ZNF142: variants seen among roughly 807,000 people sequenced by gnomAD.
The protein encoded by ZNF142 is zinc finger protein 142 (clone pHZ-49).
A neutral mutation model predicts 132.1 loss-of-function variants in ZNF142; 96 were observed. The ratio of observed to expected loss-of-function variants is 0.73; its 90% CI spans 0.62 to 0.86. ZNF142 has a LOEUF of 0.86. ZNF142 is among the 40% of genes least tolerant of loss of function. The pLI is 0.00. For missense variants in ZNF142, 2,163 were observed against 2,336.2 expected (o/e 0.93, Z 1.53); for synonymous variants, 842 against 890.1 (o/e 0.95, Z 0.96).
intron 7 of ZNF142, among the ~76,000 whole-genome samples, chr2:218,646,911 G>A (rs867278039): frequency 1.3e-5 from 2 of 151,894 alleles, no homozygotes; most frequent in South Asian, 4.2e-4. Flanking sequence ...CTAGCTTAAA[G>A]TCCACTCTTG....
chr2:218,649,096 T>TGCTC lies in ZNF142; in HGVS notation c.1408_1411dup (p.His471ArgfsTer36), dbSNP rs1937729550. ...GGCTGCTGCCGTGTGGCTCTTGAGGTGCTCCTTTAGGGCCTGGCTGAGGCG... is the reference window on the plus strand; with the variant it reads ...GGCTGCTGCCGTGTGGCTCTTGAGGTGCTCGCTCCTTTAGGGCCTGGCTGAGGCG... On this transcript the variant is annotated frameshift_variant, in exon 7 of 11. Transcript: ENST00000411696. LOFTEE classifies it high-confidence loss of function. The TGCTC allele has an allele frequency of 2.5e-6, 4 of 1,613,964 alleles. No homozygotes were observed. Among genetic ancestry groups the TGCTC allele is most frequent in the Non-Finnish European group, 3.4e-6 (4 of 1,180,040 alleles).
At position 218,642,347 on chromosome 2, in the gene ZNF142, C is replaced by T. The variant is rs567558769; in HGVS notation, c.4769G>A (p.Arg1590Gln). 1.7e-5 allele frequency: 28 copies of T among 1,613,498 alleles called. No individual in the cohort carries two copies. Among genetic ancestry groups the T allele is most frequent in the Middle Eastern group, 1.6e-4 (1 of 6,062 alleles). ...GTGCTTTACCAGGCCCACCCGCTCC[C>T]GGGCAGCAAAGTCACAGAGCTGACA... ...HRCQLCDFAA[R>Q]ERVGLVKHYL... Residue 1590 changes from arginine to glutamine, a missense_variant, in exon 9 of 11, where the codon CGG becomes CAG. Coordinates refer to ENST00000411696, the MANE Select transcript of ZNF142 (RefSeq NM_001379659.1). The surrounding 1 kb of genome is among the most constrained non-coding windows in gnomAD (Gnocchi z 4.6).
At chr2:218,652,399 T>A (rs1244376244) in intron 4 of ZNF142, 99 bp from the exon 5 acceptor site, 1 of 430,036 alleles carries the variant, frequency 2.3e-6, no homozygotes, top group Admixed American at 2.5e-5. Context: ...TCTTTTAATA[T>A]TCGTAGAGTA....
chr2:218,656,343 CG>C lies in ZNF142; in HGVS notation c.86del (p.Pro29ArgfsTer33), dbSNP rs750522983. 1.9e-6 allele frequency: 3 copies of C among 1,585,576 alleles called. No homozygotes were observed. The highest frequency in any genetic ancestry group is 2.6e-6 in the Non-Finnish European group (3 of 1,162,850). ...CCAGGATTCCACGGTTAGAGAGAGG[CG>C]GGGGGATCAGCAATAGCTCAGGGCA... Reference protein sequence around the residue: ...GLCPELLLIPPPLSNRGILGP... With the variant: ...GLCPELLLIPXPLSNRGILGP... On this transcript the variant is annotated frameshift_variant, in exon 4 of 11. Coordinates refer to ENST00000411696, the MANE Select transcript of ZNF142 (RefSeq NM_001379659.1). LOFTEE classifies it high-confidence loss of function.
chr2:218,653,744 C>T (rs1399720716), intron 4 of ZNF142, among the ~76,000 whole-genome samples: 1 of 152,142 alleles, frequency 6.6e-6, no homozygotes, highest in East Asian at 1.9e-4. Flanking sequence ...ACATTTACAT[C>T]TAGTTTGTAC....
chr2:218,641,515 A>T (rs1322588748), intron 9 of ZNF142, among the ~76,000 whole-genome samples: 1 of 151,744 alleles, frequency 6.6e-6, no homozygotes, highest in African/African-American at 2.4e-5. Flanking sequence ...AAGTGCTGGG[A>T]TTACAGGCGT....
rs528135876 is a variant in ZNF142, at chr2:218,648,895, T to C, written c.1613A>G (p.Lys538Arg). 9 of 1,614,142 alleles carry C rather than the reference T, an allele frequency of 5.6e-6. No homozygotes were observed. In the African/African-American group the frequency reaches 9.3e-5, roughly 17 times the overall value. Reference sequence around the variant, plus strand: ...GGGGCAGTGGAAGGCGTAGTGACTCTTGTGGTGGGCCTCCATGGCTTCGGC... The same window carrying C: ...GGGGCAGTGGAAGGCGTAGTGACTCCTGTGGTGGGCCTCCATGGCTTCGGC... ...ATAEAMEAHHKSHYAFHCPHC... is the reference protein window; with the variant it reads ...ATAEAMEAHHRSHYAFHCPHC... Residue 538 changes from lysine (K) to arginine (R), a missense_variant, in exon 7 of 11, where the codon AAG becomes AGG. Lys to Arg is a conservative substitution (Grantham distance 26). Transcript: ENST00000411696.
At position 218,642,448 on chromosome 2, in the gene ZNF142, A is replaced by G; in HGVS notation, c.4668T>C (p.Cys1556=). The G allele has an allele frequency of 6.2e-7, 1 of 1,612,576 alleles. No homozygotes were observed. Among genetic ancestry groups the G allele is most frequent in the Non-Finnish European group, 8.5e-7 (1 of 1,179,604 alleles). The change falls in exon 9 of 11, where the codon TGT becomes TGC. Residue 1556 remains cysteine, a synonymous_variant. Transcript: ENST00000411696. This position sits in a 1 kb window ranked among gnomAD's most constrained non-coding sequence, Gnocchi z 4.6. ...TAGGGAAGGCCTCCTGGCAGGCCCC[A>G]CACTCAAGCCGTGGGTGCTGTTTAC... is the stretch of plus-strand genomic sequence containing the variant. ...HTRKQHPRLE[C]GACQEAFPSR...
chr2:218,642,152 G>A lies in ZNF142; in HGVS notation c.4964C>T (p.Thr1655Ile). Residue 1655 changes from threonine to isoleucine, a missense_variant, in exon 9 of 11, where the codon ACC (threonine) becomes ATC (isoleucine). This residue lies in a region of ZNF142 where 325 missense variants were observed against 367.8 expected (regional missense o/e 0.88). Coordinates refer to ENST00000411696, the MANE Select transcript of ZNF142 (RefSeq NM_001379659.1). This position sits in a 1 kb window ranked among gnomAD's most constrained non-coding sequence, Gnocchi z 4.6. ...GHGGTRLYKC[T>I]DCAYSTKNRQ... ...GTTCTTGGTGCTGTAAGCACAATCG[G>A]TGCACTTGTAGAGACGAGTGCCCCC... 7 of 1,614,184 alleles carry A rather than the reference G, an allele frequency of 4.3e-6. 1 individual carries two copies. The African/African-American group carries it at 9.3e-5, about 22-fold the overall frequency.
rs931214584 is a variant in ZNF142 at position 218,636,918 on chromosome 2, G to C, written c.*1421C>G. ...TTCCCATCAACTCTGTGTGAAGGCA[G>C]GTTGCAACTAGAAATTCAGAGGGGC... On this transcript the variant is annotated 3_prime_UTR_variant, in exon 11 of 11. Coordinates refer to ENST00000411696, the MANE Select transcript of ZNF142 (RefSeq NM_001379659.1). 2.1e-5 allele frequency: 10 copies of C among 465,242 alleles called. No individual in the cohort carries two copies. Among genetic ancestry groups the C allele is most frequent in the African/African-American group, 2.0e-4 (10 of 50,452 alleles). 28.8% of individuals were successfully genotyped at this position (465,242 alleles called of 1,614,324 possible).
In ZNF142 at chr2:218,643,502, G is replaced by A. The variant is rs774611541; in HGVS notation, c.3614C>T (p.Pro1205Leu). The A allele has an allele frequency of 1.7e-5, 27 of 1,614,022 alleles. No homozygotes were observed. In the South Asian group the frequency reaches 3.0e-4, roughly 18 times the overall value. ...TGTGGGTGAGGAGTTTCCTGCAGGAGGGACTGGGTCAAGGTGGTGCTTCTT... is the reference window on the plus strand; with the variant it reads ...TGTGGGTGAGGAGTTTCCTGCAGGAAGGACTGGGTCAAGGTGGTGCTTCTT... ...APKKHHLDPVPPAGNSSPTEA... is the reference protein window; with the variant it reads ...APKKHHLDPVLPAGNSSPTEA... Residue 1205 changes from proline (P) to leucine (L), a missense_variant, in exon 9 of 11, where the codon CCT (proline) becomes CTT (leucine). Pro to Leu is a moderately conservative substitution (Grantham distance 98). Coordinates refer to ENST00000411696, the MANE Select transcript of ZNF142 (RefSeq NM_001379659.1).
intron 3 of ZNF142, 64 bp from the exon 4 acceptor site, chr2:218,656,527 G>A (rs368530919): frequency 1.6e-5 from 21 of 1,286,640 alleles, no homozygotes; most frequent in African/African-American, 1.0e-4. Flanking sequence ...CCTGGCTGGC[G>A]TGGGTACACA....
intron 10 of ZNF142, 41 bp from the exon 11 acceptor site, chr2:218,638,849 G>T: frequency 6.6e-7 from 1 of 1,504,712 alleles, no homozygotes; most frequent in East Asian, 2.3e-5. Context: ...AGGCGGTGGA[G>T]CAAGGTTTAC....
rs1157518205 is a variant in ZNF142, at chr2:218,638,187, G to A, written c.*152C>T. On this transcript the variant is annotated 3_prime_UTR_variant, in exon 11 of 11. Transcript: ENST00000411696. ...CTTTTATATGGGTGATAATTTCAAA[G>A]TACTATAGCCAGAGTCCCAGGAAGG... 2.0e-5 allele frequency: 12 copies of A among 597,310 alleles called. No individual in the cohort carries two copies. Among genetic ancestry groups the A allele is most frequent in the Non-Finnish European group, 2.8e-5 (11 of 392,000 alleles). 37.0% of individuals were successfully genotyped at this position (597,310 alleles called of 1,614,324 possible).
intron 4 of ZNF142, among the ~76,000 whole-genome samples, chr2:218,653,575 C>CA (rs34491963): frequency 0.058 from 8,329 of 144,722 alleles, 327 homozygotes; most frequent in East Asian, 0.12. Flanking sequence ...AACTCTATCT[C>CA]AAAAAAAAAA....
Position 218,643,153 on chromosome 2 carries a change from A to C in ZNF142, c.3963T>G (p.Thr1321=), listed in dbSNP as rs763836982. ...CGAGGGGGCAGCCCCGGATCTGGTG[A>C]GTCCTCAGAGCCCGTTCCTGCTGGC... The part of the protein sequence containing the change: ...FSCQQERALR[T]HQIRGCPLEE... The change falls in exon 9 of 11, where the codon ACT becomes ACG. Residue 1321 remains threonine, a synonymous_variant. Coordinates refer to ENST00000411696, the MANE Select transcript of ZNF142 (RefSeq NM_001379659.1). 6.2e-7 allele frequency: 1 copy of C among 1,614,066 alleles called. No individual in the cohort carries two copies. The highest frequency in any genetic ancestry group is 2.2e-5 in the East Asian group (1 of 44,904).
rs148430389 is a variant in ZNF142 at position 218,656,127 on chromosome 2, C to T, written c.280+23G>A. 33 of 1,493,532 alleles carry T rather than the reference C, an allele frequency of 2.2e-5. No homozygotes were observed. The African/African-American group carries it at 4.2e-4, about 19-fold the overall frequency. The allele number at this position is 1,493,532 out of a possible 1,614,324, so 92.5% of individuals were successfully genotyped here. On this transcript the variant is annotated intron_variant, in intron 4 of 10. Coordinates refer to ENST00000411696, the MANE Select transcript of ZNF142 (RefSeq NM_001379659.1). ...ACCTCAGAGCTGCTTGTCCCACTGG[C>T]CTGCTTGCAACTGTGTTTGTACCTG...
At chr2:218,641,080 A>G (rs1046151012) in intron 9 of ZNF142, among the ~76,000 whole-genome samples, 3 of 151,880 alleles carry the variant, frequency 2.0e-5, no homozygotes, top group Non-Finnish European at 2.9e-5. Flanking sequence ...GAATACAGGC[A>G]TGCGCCACAA....
rs1394032964 is a variant in ZNF142, at chr2:218,650,429, T to C, written c.978A>G (p.Glu326=). 4.3e-6 allele frequency: 7 copies of C among 1,614,116 alleles called. No homozygotes were observed. Among genetic ancestry groups the C allele is most frequent in the Non-Finnish European group, 5.1e-6 (6 of 1,180,034 alleles). The change falls in exon 6 of 11, where the codon GAA becomes GAG. Residue 326 remains glutamate, a synonymous_variant. Transcript: ENST00000411696. ...AGTCCTTCTGGGTGTCACTCTTCTC[T>C]TCTTTCTCTACATTCTCCTCTTCAG... ...ETAEEENVEK[E]EKSDTQKDSQ...
Sources: allele counts gnomAD v4.1 joint callset (sites outside exome capture counted in the v4.1 genomes callset), GRCh38; gene constraint gnomAD v4.1.1; regional missense constraint gnomAD v4.1.1; non-coding constraint Gnocchi (gnomAD v3.1); transcripts MANE v1.5; gene names NCBI Gene and HGNC (gene_info 2026-07-23, HGNC 2026-07-21).